The following PLPP1 variants were observed in gnomAD, a reference collection of about 807,000 sequenced individuals.
PLPP1 encodes phospholipid phosphatase 1.
PLPP1 carries 24 observed loss-of-function variants against 31.2 expected under a neutral mutation model. That is an observed-to-expected ratio of 0.77 (90% CI 0.56 to 1.08). The LOEUF (loss-of-function observed/expected upper bound fraction) is 1.08, where lower values mean the gene tolerates loss of function less well. Among genes scored for constraint, PLPP1 ranks in the 50% least tolerant of loss-of-function variants. PLPP1 has a pLI of 0.00. For missense variants in PLPP1, 319 were observed against 342.7 expected (o/e 0.93, Z 0.55); for synonymous variants, 146 against 126.3 (o/e 1.16, Z -1.05).
At chr5:55,503,706 G>A (rs1431664485) in intron 1 of PLPP1, among the ~76,000 whole-genome samples, 1 of 150,480 alleles carries the variant, frequency 6.6e-6, no homozygotes, top group Non-Finnish European at 1.5e-5. Flanking sequence ...TTGAACCCAG[G>A]AGGTGGAGGT....
chr5:55,522,300 G>T (rs1021910131), intron 1 of PLPP1, among the ~76,000 whole-genome samples: 6 of 152,128 alleles, frequency 3.9e-5, no homozygotes, highest in African/African-American at 1.4e-4. Flanking sequence ...TACTGAATAG[G>T]GGAAATTAGT....
intron 3 of PLPP1, among the ~76,000 whole-genome samples, chr5:55,455,186 A>C (rs997425274): frequency 6.6e-6 from 1 of 152,214 alleles, no homozygotes; most frequent in African/African-American, 2.4e-5. Context: ...GATCAGAAAC[A>C]CTGGGCCTGT....
chr5:55,440,943 A>G (rs554473563), intron 4 of PLPP1, among the ~76,000 whole-genome samples: 6 of 152,330 alleles, frequency 3.9e-5, no homozygotes, highest in African/African-American at 1.4e-4. Flanking sequence ...AAAGAAAATT[A>G]AGACAAAAAT....
intron 1 of PLPP1, among the ~76,000 whole-genome samples, chr5:55,479,883 G>A (rs1579953554): frequency 6.6e-6 from 1 of 152,256 alleles, no homozygotes. Flanking sequence ...TGATGCTATA[G>A]TGAACATTTC....
chr5:55,527,132 G>C (rs1445289130), intron 1 of PLPP1, among the ~76,000 whole-genome samples: 1 of 152,030 alleles, frequency 6.6e-6, no homozygotes, highest in Non-Finnish European at 1.5e-5. Flanking sequence ...ACAAAATGCT[G>C]GAAACTATTT....
At chr5:55,523,504 C>G (rs2111942644) in intron 1 of PLPP1, among the ~76,000 whole-genome samples, 1 of 152,278 alleles carries the variant, frequency 6.6e-6, no homozygotes, top group South Asian at 2.1e-4. Context: ...AGTTTCCCAA[C>G]TTTCCCAGCC....
At chr5:55,512,723 T>TACACACACACACAC (rs71600885) in intron 1 of PLPP1, among the ~76,000 whole-genome samples, 1,673 of 43,172 alleles carry the variant, frequency 0.039, 32 homozygotes, top group Middle Eastern at 0.075. Flanking sequence ...CATTATAAAC[T>TACACACACACACAC]ACACACACAC....
chr5:55,426,974 A>G (rs1183726289), intron 4 of PLPP1, among the ~76,000 whole-genome samples: 3 of 152,114 alleles, frequency 2.0e-5, no homozygotes, highest in Non-Finnish European at 4.4e-5. Flanking sequence ...AGTTTTCTGT[A>G]CACTAATCGG....
At chr5:55,482,907 C>A (rs776002276) in intron 1 of PLPP1, among the ~76,000 whole-genome samples, 1 of 152,112 alleles carries the variant, frequency 6.6e-6, no homozygotes, top group Non-Finnish European at 1.5e-5. Context: ...GCTTTGTGGG[C>A]AGCTTCTCTA....
At chr5:55,514,846 C>T (rs1753522294) in intron 1 of PLPP1, among the ~76,000 whole-genome samples, 1 of 152,178 alleles carries the variant, frequency 6.6e-6, no homozygotes, top group African/African-American at 2.4e-5. Context: ...AGGAAGGATT[C>T]CCACAAATGA....
Position 55,447,753 on chromosome 5 carries a change from G to A in PLPP1, c.492-5845C>T, listed in dbSNP as rs116252063. 4.0e-3 allele frequency among the ~76,000 whole-genome samples: 613 copies of A among 152,250 alleles called. 4 individuals carry two copies. Among genetic ancestry groups the A allele is most frequent in the African/African-American group, 0.014 (582 of 41,554 alleles). ...GGCAAAATGTGTAAAGTAAATATAC[G>A]AAGAAGAAATTAGACTTAATCCATG... On this transcript the variant is annotated intron_variant, in intron 3 of 5. Coordinates refer to ENST00000307259, the MANE Select transcript of PLPP1 (RefSeq NM_003711.4).
intron 4 of PLPP1, among the ~76,000 whole-genome samples, chr5:55,428,886 C>CAAT (rs1378323453): frequency 2.0e-5 from 3 of 152,098 alleles, no homozygotes; most frequent in African/African-American, 7.2e-5. Context: ...GCTGTATGTC[C>CAAT]AATACAGTGT....
chr5:55,464,503 C>T (rs899142101), intron 3 of PLPP1, among the ~76,000 whole-genome samples: 1 of 152,112 alleles, frequency 6.6e-6, no homozygotes, highest in South Asian at 2.1e-4. Context: ...TCCCAAAGTT[C>T]GGACATTACA....
At chr5:55,451,573 T>A (rs2111739180) in intron 3 of PLPP1, among the ~76,000 whole-genome samples, 1 of 150,438 alleles carries the variant, frequency 6.6e-6, no homozygotes, top group African/African-American at 2.5e-5. Context: ...TTTTTTTTTC[T>A]TTTTTTGAGA....
chr5:55,516,923 T>C (rs1258955056), intron 1 of PLPP1, among the ~76,000 whole-genome samples: 2 of 152,224 alleles, frequency 1.3e-5, no homozygotes, highest in African/African-American at 4.8e-5. Flanking sequence ...AACATAATGG[T>C]AGCCCATTCA....
At chr5:55,501,460 G>C (rs1028143288) in intron 1 of PLPP1, among the ~76,000 whole-genome samples, 5 of 77,586 alleles carry the variant, frequency 6.4e-5, no homozygotes, top group Non-Finnish European at 1.0e-4. Context: ...TGCAACTTTA[G>C]AGATCTATGA....
intron 1 of PLPP1, among the ~76,000 whole-genome samples, chr5:55,524,912 C>G (rs1753748889): frequency 6.6e-6 from 1 of 152,168 alleles, no homozygotes; most frequent in African/African-American, 2.4e-5. Context: ...GTGTAGCTAA[C>G]TCCACTTTCT....
chr5:55,466,735 A>G (rs1179735100), intron 3 of PLPP1, among the ~76,000 whole-genome samples: 1 of 152,070 alleles, frequency 6.6e-6, no homozygotes, highest in Non-Finnish European at 1.5e-5. Context: ...GAAAAAAAAA[A>G]TTGAAGCTAT....
At chr5:55,533,977 G>C (rs1490965048) in intron 1 of PLPP1, among the ~76,000 whole-genome samples, 1 of 152,098 alleles carries the variant, frequency 6.6e-6, no homozygotes, top group Non-Finnish European at 1.5e-5. Context: ...GGGCAGACAA[G>C]GAAACAGGTC....
Sources: gnomAD v4.1 joint callset for allele counts (sites outside exome capture counted in the v4.1 genomes callset) on GRCh38, gnomAD v4.1.1 for gene constraint, MANE v1.5 for transcripts, NCBI Gene and HGNC (gene_info 2026-07-23, HGNC 2026-07-21) for gene names.